The following ZBTB20 variants were observed in gnomAD, a reference collection of about 807,000 sequenced individuals.
ZBTB20 encodes the protein zinc finger and BTB domain-containing protein 20.
Under a neutral mutation model 56.9 loss-of-function variants are expected in ZBTB20, and 9 were observed. The ratio of observed to expected loss-of-function variants is 0.16; its 90% CI spans 0.10 to 0.28. ZBTB20 has a LOEUF of 0.28. ZBTB20 is among the 10% of genes least tolerant of loss of function. The probability of loss-of-function intolerance (pLI) is 1.00; values close to 1 mark genes in which losing one functional copy is unlikely to be tolerated. For synonymous variants in ZBTB20, 417 were observed against 420.7 expected (o/e 0.99, Z 0.11); for missense variants, 655 against 1,003.0 (o/e 0.65, Z 4.69).
intron 7 of ZBTB20, among the ~76,000 whole-genome samples, chr3:114,437,804 C>T (rs1303900313): frequency 6.6e-6 from 1 of 152,104 alleles, no homozygotes; most frequent in Non-Finnish European, 1.5e-5. Context: ...ATTTATCTTT[C>T]AGGAATGTCG....
At chr3:114,653,422 G>A (rs192839627) in intron 6 of ZBTB20, among the ~76,000 whole-genome samples, 1 of 151,986 alleles carries the variant, frequency 6.6e-6, no homozygotes, top group East Asian at 1.9e-4. Context: ...CATTTACAGT[G>A]ATTTATTTTC....
chr3:114,428,829 T>C (rs1216107680), intron 7 of ZBTB20, among the ~76,000 whole-genome samples: 2 of 152,214 alleles, frequency 1.3e-5, no homozygotes, highest in African/African-American at 4.8e-5. Context: ...AGTGATCTTT[T>C]AGTCATTTTG....
At chr3:114,476,566 G>C (rs1294571459) in intron 7 of ZBTB20, among the ~76,000 whole-genome samples, 1 of 152,194 alleles carries the variant, frequency 6.6e-6, no homozygotes. Flanking sequence ...GGAAGGCAGA[G>C]GGCAAGAGAG....
At chr3:114,832,677 A>G (rs1213723404) in intron 4 of ZBTB20, among the ~76,000 whole-genome samples, 1 of 152,142 alleles carries the variant, frequency 6.6e-6, no homozygotes, top group East Asian at 1.9e-4. Flanking sequence ...CAAAGTCAAT[A>G]TGTAAGTCTA....
intron 4 of ZBTB20, among the ~76,000 whole-genome samples, chr3:114,879,037 T>A (rs2076301244): frequency 6.6e-6 from 1 of 152,210 alleles, no homozygotes; most frequent in Non-Finnish European, 1.5e-5. Context: ...CAAATGGTCA[T>A]GGGAGATGCA....
intron 6 of ZBTB20, chr3:114,684,578 G>A (rs984147885): frequency 1.3e-5 from 2 of 152,060 alleles, no homozygotes; most frequent in Admixed American, 1.3e-4. Flanking sequence ...TTTACTTTAG[G>A]TAACCCTGCC....
chr3:114,680,586 GTCATTCACTCAA>G (rs2061912169), intron 6 of ZBTB20, among the ~76,000 whole-genome samples: 1 of 152,188 alleles, frequency 6.6e-6, no homozygotes, highest in South Asian at 2.1e-4. Context: ...ATAAGATAGA[GTCATTCACTCAA>G]TCATTCACTC....
At chr3:115,135,607 A>G (rs2084632286) in intron 1 of ZBTB20, among the ~76,000 whole-genome samples, 1 of 152,208 alleles carries the variant, frequency 6.6e-6, no homozygotes, top group African/African-American at 2.4e-5. Context: ...AAGACAAATT[A>G]TGACTTTAGC....
intron 6 of ZBTB20, among the ~76,000 whole-genome samples, chr3:114,531,535 G>A (rs1386735905): frequency 6.6e-6 from 1 of 152,186 alleles, no homozygotes; most frequent in Non-Finnish European, 1.5e-5. Context: ...AGAGAACCAG[G>A]AGAGCTGTCC....
At chr3:114,498,573 T>C (rs2043562558) in intron 7 of ZBTB20, among the ~76,000 whole-genome samples, 1 of 152,090 alleles carries the variant, frequency 6.6e-6, no homozygotes, top group African/African-American at 2.4e-5. Flanking sequence ...ACCCTGCTGA[T>C]ATGAGGGCAG....
intron 4 of ZBTB20, among the ~76,000 whole-genome samples, chr3:114,859,355 C>T (rs549823664): frequency 3.7e-4 from 55 of 147,568 alleles, no homozygotes; most frequent in South Asian, 1.7e-3. Flanking sequence ...TCCTCTCTCC[C>T]TCTCTTCTCC....
chr3:115,145,417 A>C (rs1329575221), intron 1 of ZBTB20, among the ~76,000 whole-genome samples: 4 of 152,222 alleles, frequency 2.6e-5, no homozygotes, highest in African/African-American at 7.2e-5. Flanking sequence ...CAAGTCCCTT[A>C]CATAAAATAG....
chr3:115,146,478 T>G (rs540439204), intron 1 of ZBTB20, among the ~76,000 whole-genome samples: 2 of 152,188 alleles, frequency 1.3e-5, no homozygotes, highest in African/African-American at 4.8e-5. Context: ...TTCCAACCAT[T>G]TTTATATCAG....
chr3:115,085,503 T>C (rs2082952580), intron 1 of ZBTB20, among the ~76,000 whole-genome samples: 1 of 151,954 alleles, frequency 6.6e-6, no homozygotes, highest in Non-Finnish European at 1.5e-5. Context: ...TCATCTAAAG[T>C]TAAACCTAAG....
Position 114,319,872 on chromosome 3 carries a change from C to T in ZBTB20, c.*19133G>A, listed in dbSNP as rs1157864348. 2 of 151,868 alleles carry T rather than the reference C, an allele frequency of 1.3e-5. No homozygotes were observed. Among genetic ancestry groups the T allele is most frequent in the Non-Finnish European group, 2.9e-5 (2 of 67,984 alleles). The allele number at this position is 151,868 out of a possible 1,614,324, so 9.4% of individuals were successfully genotyped here. A position where few individuals can be genotyped will look rare whatever the true frequency, so the allele number is the denominator to read the frequency against. On this transcript the variant is annotated 3_prime_UTR_variant, in exon 12 of 12. Transcript: ENST00000675478. Reference sequence around the variant, plus strand: ...TACACACACACACACAAATTTGTTACATAGCCAATTTGTTTTTAAATATTT... The same window carrying T: ...TACACACACACACACAAATTTGTTATATAGCCAATTTGTTTTTAAATATTT...
At position 114,671,533 on chromosome 3, in the gene ZBTB20, A is replaced by G. The variant is rs566889037; in HGVS notation, c.-295+21995T>C. 9.9e-5 allele frequency among the ~76,000 whole-genome samples: 15 copies of G among 151,958 alleles called. No individual in the cohort carries two copies. In the South Asian group the frequency reaches 3.1e-3, roughly 32 times the overall value. Reference sequence around the variant, plus strand: ...TTTACAAGGATATCATATCAATTATATTTTCCAAATGTATCTCTCTTATTG... The same window carrying G: ...TTTACAAGGATATCATATCAATTATGTTTTCCAAATGTATCTCTCTTATTG... On this transcript the variant is annotated intron_variant, in intron 6 of 11. Coordinates refer to ENST00000675478, the MANE Select transcript of ZBTB20 (RefSeq NM_001348800.3).
intron 8 of ZBTB20, among the ~76,000 whole-genome samples, chr3:114,381,434 A>C (rs758127449): frequency 8.5e-5 from 13 of 152,242 alleles, no homozygotes; most frequent in Non-Finnish European, 1.8e-4. Flanking sequence ...CTGATATGAA[A>C]TTAACAAATA....
chr3:114,879,534 C>T (rs923602730), intron 4 of ZBTB20, among the ~76,000 whole-genome samples: 10 of 152,214 alleles, frequency 6.6e-5, no homozygotes, highest in Non-Finnish European at 7.4e-5. Context: ...TGCAGAGAAC[C>T]TGACCCTGAC....
intron 2 of ZBTB20, among the ~76,000 whole-genome samples, chr3:115,038,659 A>G (rs1199512470): frequency 6.6e-6 from 1 of 152,130 alleles, no homozygotes; most frequent in Non-Finnish European, 1.5e-5. Flanking sequence ...CCTAAATGTA[A>G]ACAATGCATC....
Sources: allele counts gnomAD v4.1 joint callset (sites outside exome capture counted in the v4.1 genomes callset), GRCh38; gene constraint gnomAD v4.1.1; transcripts MANE v1.5; gene names NCBI Gene and HGNC (gene_info 2026-07-23, HGNC 2026-07-21).